Variants in NUDT21 observed in about 807,000 individuals in gnomAD.
NUDT21 encodes the protein nudix hydrolase 21, also known as cleavage and polyadenylation specificity factor subunit 5.
Under a neutral mutation model 29.8 loss-of-function variants are expected in NUDT21, and 5 were observed. The ratio of observed to expected loss-of-function variants is 0.17; its 90% confidence interval spans 0.09 to 0.35. NUDT21 has a LOEUF of 0.35. Among genes scored for constraint, NUDT21 ranks in the 10% least tolerant of loss-of-function variants. NUDT21 has a pLI of 1.00. For synonymous variants in NUDT21, 113 were observed against 98.5 expected, an observed-to-expected ratio of 1.15 and a Z score of -0.87; for missense variants, 76 against 276.0, an observed-to-expected ratio of 0.28 and a Z score of 5.13.
At position 56,451,170 on chromosome 16, in the gene NUDT21, G is replaced by A. The variant is rs1332362827; in HGVS notation, c.33C>T (p.Thr11=). The change falls in exon 1 of 7, where the codon ACC becomes ACT. Residue 11 remains threonine, a synonymous_variant. Coordinates refer to ENST00000300291, the MANE Select transcript of NUDT21 (RefSeq NM_007006.3). ...ACTGAGTGACCCCCCGGGGCCAGCC[G>A]GTCTGCGAGCGATTGGGCGGTACCA... The part of the protein sequence containing the change: MSVVPPNRSQ[T]GWPRGVTQFG... 6.2e-7 allele frequency: 1 copy of A among 1,612,448 alleles called. No individual in the cohort carries two copies. The highest frequency in any genetic ancestry group is 8.5e-7 in the Non-Finnish European group (1 of 1,179,268).
chr16:56,446,378 G>A (rs868366040), intron 3 of NUDT21: 25 of 413,186 alleles, frequency 6.1e-5, no homozygotes, highest in African/African-American at 5.0e-4. Context: ...TCAGAACAGT[G>A]TCTAGCACAG....
chr16:56,438,663 T>C (rs973414088), intron 4 of NUDT21, among the ~76,000 whole-genome samples: 11 of 152,142 alleles, frequency 7.2e-5, no homozygotes, highest in Non-Finnish European at 1.5e-4. Flanking sequence ...TAACTGAGCC[T>C]GAATACAATT....
At chr16:56,437,104 T>C (rs1177344032) in intron 4 of NUDT21, among the ~76,000 whole-genome samples, 1 of 152,236 alleles carries the variant, frequency 6.6e-6, no homozygotes, top group Non-Finnish European at 1.5e-5. Context: ...AAAGCCAAGA[T>C]GTGTTCCTGG....
At chr16:56,437,674 C>G (rs1437815595) in intron 4 of NUDT21, among the ~76,000 whole-genome samples, 1 of 152,098 alleles carries the variant, frequency 6.6e-6, no homozygotes, top group Non-Finnish European at 1.5e-5. Context: ...ATCCAGTTGC[C>G]CACAGGTGTA....
In NUDT21 at chr16:56,451,076, G is replaced by A. The variant is rs1567541689; in HGVS notation, c.116+11C>T. 5 of 1,607,096 alleles carry A rather than the reference G, an allele frequency of 3.1e-6. No homozygotes were observed. The highest frequency in any genetic ancestry group is 2.7e-5 in the African/African-American group (2 of 74,788). ...CGAGAGAAATGCCCGCCAAGGCCGC[G>A]CCGCACTTACAGGTTGATGGTGCGC... On this transcript the variant is annotated intron_variant, in intron 1 of 6. Transcript: ENST00000300291.
Position 56,434,886 on chromosome 16 carries a change from A to G in NUDT21, c.472-57T>C, listed in dbSNP as rs1246656812. ...GTATTCCATGGCTTCATTTCTTTAC[A>G]TGTTTACTCCCCAGTATAGTATAAA... On this transcript the variant is annotated intron_variant, in intron 4 of 6. Coordinates refer to ENST00000300291, the MANE Select transcript of NUDT21 (RefSeq NM_007006.3). 1.9e-5 allele frequency: 20 copies of G among 1,033,236 alleles called. No individual in the cohort carries two copies. The South Asian group carries it at 2.5e-4, about 13-fold the overall frequency. The allele number at this position is 1,033,236 out of a possible 1,614,324, so 64.0% of individuals were successfully genotyped here.
At chr16:56,444,638 A>G (rs1962198397) in intron 3 of NUDT21, among the ~76,000 whole-genome samples, 1 of 151,618 alleles carries the variant, frequency 6.6e-6, no homozygotes, top group African/African-American at 2.4e-5. Flanking sequence ...AAAAAAAACA[A>G]GCCTAATTGT....
chr16:56,437,878 G>A (rs1189420022), intron 4 of NUDT21, among the ~76,000 whole-genome samples: 1 of 151,936 alleles, frequency 6.6e-6, no homozygotes, highest in African/African-American at 2.4e-5. Flanking sequence ...GTTAAGTAAA[G>A]GAATAGCAGC....
intron 4 of NUDT21, among the ~76,000 whole-genome samples, chr16:56,438,846 T>C (rs545689566): frequency 6.6e-5 from 10 of 151,538 alleles, no homozygotes; most frequent in African/African-American, 2.2e-4. Flanking sequence ...ACTATCCTAA[T>C]CCAAACAAAT....
At chr16:56,444,909 C>T (rs1302845610) in intron 3 of NUDT21, among the ~76,000 whole-genome samples, 3 of 152,052 alleles carry the variant, frequency 2.0e-5, no homozygotes, top group Non-Finnish European at 4.4e-5. Context: ...TCAGGCCGGG[C>T]GTGGTGGCTC....
rs767660765 is a variant in NUDT21, at chr16:56,451,230, G to C, written c.-28C>G. On this transcript the variant is annotated 5_prime_UTR_variant, in exon 1 of 7. Coordinates refer to ENST00000300291, the MANE Select transcript of NUDT21 (RefSeq NM_007006.3). ...TGGCGAGCTCCGGCGCTGACGGCGA[G>C]CAGAAAGTGGCAGGCAGGGTAGACT... 6.6e-7 allele frequency: 1 copy of C among 1,520,612 alleles called. No individual in the cohort carries two copies. The highest frequency in any genetic ancestry group is 9.0e-7 in the Non-Finnish European group (1 of 1,111,976). The allele number at this position is 1,520,612 out of a possible 1,614,324, so 94.2% of individuals were successfully genotyped here. A position where few individuals can be genotyped will look rare whatever the true frequency, so the allele number is the denominator to read the frequency against.
rs1241033081 is a variant in NUDT21, at chr16:56,431,835, G to C, written c.*877C>G. ...CATTATTCCAAAAATATTTTTGAAGGCTCTGTCATTTGCTAAAACCAAATT... is the reference window on the plus strand; with the variant it reads ...CATTATTCCAAAAATATTTTTGAAGCCTCTGTCATTTGCTAAAACCAAATT... On this transcript the variant is annotated 3_prime_UTR_variant, in exon 7 of 7. Transcript: ENST00000300291. 1.3e-5 allele frequency: 2 copies of C among 152,036 alleles called. No individual in the cohort carries two copies. Among genetic ancestry groups the C allele is most frequent in the Admixed American group, 6.6e-5 (1 of 15,262 alleles). 9.4% of individuals were successfully genotyped at this position (152,036 alleles called of 1,614,324 possible).
rs749680194 is a variant in NUDT21 at position 56,451,147 on chromosome 16, T to G, written c.56A>C (p.Gln19Pro). Residue 19 changes from glutamine to proline, a missense_variant, in exon 1 of 7, where the codon CAG becomes CCG. Around this residue, in one of 5 missense-constraint regions of NUDT21, gnomAD observed 20 missense variants for 26.3 expected, o/e 0.76. Coordinates refer to ENST00000300291, the MANE Select transcript of NUDT21 (RefSeq NM_007006.3). ...SQTGWPRGVT[Q>P]FGNKYIQQTK... ...CTGCTGGATGTACTTGTTGCCGAAC[T>G]GAGTGACCCCCCGGGGCCAGCCGGT... is the stretch of plus-strand genomic sequence containing the variant. 10 of 1,613,448 alleles carry G rather than the reference T, an allele frequency of 6.2e-6. No individual in the cohort carries two copies. The highest frequency in any genetic ancestry group is 8.5e-6 in the Non-Finnish European group (10 of 1,179,650).
intron 3 of NUDT21, among the ~76,000 whole-genome samples, chr16:56,442,824 C>T (rs778975281): frequency 6.6e-6 from 1 of 152,140 alleles, no homozygotes; most frequent in Non-Finnish European, 1.5e-5. Flanking sequence ...ATCTTTTTAT[C>T]TTTTCATTCT....
chr16:56,448,209 AC>A (rs1301637245), intron 1 of NUDT21, among the ~76,000 whole-genome samples: 3 of 152,158 alleles, frequency 2.0e-5, no homozygotes, highest in Non-Finnish European at 4.4e-5. Context: ...GCTCCTCCAT[AC>A]TTTAACTTTC....
intron 2 of NUDT21, 36 bp from the exon 3 acceptor site, chr16:56,446,725 A>G (rs1567540330): frequency 1.5e-6 from 2 of 1,315,294 alleles, no homozygotes; most frequent in Non-Finnish European, 2.2e-6. Context: ...TTTCAACTTA[A>G]TACAATTTGG....
intron 3 of NUDT21, among the ~76,000 whole-genome samples, chr16:56,446,315 T>C (rs1337415560): frequency 1.3e-5 from 2 of 152,144 alleles, no homozygotes; most frequent in Non-Finnish European, 2.9e-5. Flanking sequence ...CTTAATAATA[T>C]CTACTTCCTA....
intron 3 of NUDT21, among the ~76,000 whole-genome samples, chr16:56,444,958 C>T (rs1172106790): frequency 2.0e-5 from 3 of 152,132 alleles, no homozygotes; most frequent in Non-Finnish European, 4.4e-5. Flanking sequence ...CCAAGACAGG[C>T]AGATCACCTG....
chr16:56,441,950 C>T (rs1218065538), intron 3 of NUDT21, among the ~76,000 whole-genome samples: 6 of 152,180 alleles, frequency 3.9e-5, no homozygotes, highest in African/African-American at 1.4e-4. Context: ...AGCGCAATGG[C>T]GCGATCTCCA....
Sources: allele counts gnomAD v4.1 joint callset (sites outside exome capture counted in the v4.1 genomes callset), GRCh38; gene constraint gnomAD v4.1.1; regional missense constraint gnomAD v4.1.1; transcripts MANE v1.5; gene names NCBI Gene and HGNC (gene_info 2026-07-23, HGNC 2026-07-21).